The following TMEM87A variants were observed in gnomAD, a reference collection of about 807,000 sequenced individuals.
TMEM87A encodes the protein transmembrane protein 87A, also known as Golgi-pH regulating cation channel.
In TMEM87A, 50 loss-of-function variants were observed where a neutral mutation model predicts 90.0. That is an observed-to-expected ratio of 0.56 (90% CI 0.44 to 0.70). The LOEUF (loss-of-function observed/expected upper bound fraction) is 0.70. Among genes scored for constraint, TMEM87A ranks in the 30% least tolerant of loss-of-function variants. The pLI is 0.00. For missense variants in TMEM87A, 577 were observed against 660.5 expected (o/e 0.87, Z 1.39); for synonymous variants, 226 against 226.7 (o/e 1.00, Z 0.03).
chr15:42,227,196 G>A (rs1302835347), intron 14 of TMEM87A, among the ~76,000 whole-genome samples: 2 of 152,082 alleles, frequency 1.3e-5, no homozygotes, highest in African/African-American at 2.4e-5. Context: ...TTTATACAGG[G>A]TTAAGAGAAA....
At chr15:42,242,599 T>C (rs1328153581) in intron 7 of TMEM87A, among the ~76,000 whole-genome samples, 2 of 151,604 alleles carry the variant, frequency 1.3e-5, no homozygotes, top group Non-Finnish European at 2.9e-5. Flanking sequence ...ACAGAGAGAA[T>C]ATGCGTGTGT....
At chr15:42,216,165 T>C (rs995954795) in intron 19 of TMEM87A, among the ~76,000 whole-genome samples, 9 of 152,224 alleles carry the variant, frequency 5.9e-5, no homozygotes, top group South Asian at 2.1e-4. Flanking sequence ...ATTCCACTTA[T>C]ATGAGTTATC....
At chr15:42,261,999 T>TA (rs1224619070) in intron 4 of TMEM87A, 1 of 152,220 alleles carries the variant, frequency 6.6e-6, no homozygotes, top group Non-Finnish European at 1.5e-5. Context: ...TTTATGCCTG[T>TA]AAAAAACTAC....
chr15:42,246,452 G>A (rs1006250979), intron 6 of TMEM87A, among the ~76,000 whole-genome samples: 5 of 150,844 alleles, frequency 3.3e-5, no homozygotes, highest in Non-Finnish European at 7.4e-5. Context: ...CCCAGCCCCC[G>A]ACCCGACGAC....
intron 19 of TMEM87A, among the ~76,000 whole-genome samples, chr15:42,215,411 G>T (rs1436371293): frequency 9.8e-5 from 15 of 152,320 alleles, no homozygotes; most frequent in African/African-American, 3.6e-4. Context: ...TGAGGCAGGA[G>T]AATGGCGTGA....
In TMEM87A at chr15:42,226,764, G is replaced by T. The variant is rs374676715; in HGVS notation, c.1403+42C>A. ...ATGCACCACCCCTAATTGATGACAT[G>T]GTCATCTCATGTTAGCAGAGTAAAC... On this transcript the variant is annotated intron_variant, in intron 15 of 19. Coordinates refer to ENST00000389834, the MANE Select transcript of TMEM87A (RefSeq NM_015497.5). The T allele has an allele frequency of 2.0e-5, 31 of 1,543,034 alleles. No homozygotes were observed. In the African/African-American group the frequency reaches 3.4e-4, roughly 17 times the overall value.
At chr15:42,246,094 C>T (rs1228638277) in intron 6 of TMEM87A, among the ~76,000 whole-genome samples, 1 of 152,020 alleles carries the variant, frequency 6.6e-6, no homozygotes, top group Admixed American at 6.5e-5. Context: ...TACTTATTTA[C>T]TTCTTGTCTC....
At chr15:42,226,714 GA>G (rs1277521204) in intron 15 of TMEM87A, 91 bp downstream of exon 15, 4 of 1,067,988 alleles carry the variant, frequency 3.7e-6, no homozygotes, top group Non-Finnish European at 5.6e-6. Flanking sequence ...TCCACTATAT[GA>G]CACAGCCCTG....
At chr15:42,215,752 A>C (rs947640796) in intron 19 of TMEM87A, among the ~76,000 whole-genome samples, 7 of 152,240 alleles carry the variant, frequency 4.6e-5, no homozygotes, top group Admixed American at 4.6e-4. Flanking sequence ...AAATGTGGGC[A>C]AAGAAAGAAA....
chr15:42,269,942 C>CAAA lies in TMEM87A; in HGVS notation c.206-1913_206-1911dup, dbSNP rs11308996. ...TGGGCGACAGAGCGAGACTCCGTCT[C>CAAA]AAAAAAAAAAAAAAAAAAAAAAATG... is the stretch of plus-strand genomic sequence containing the variant. On this transcript the variant is annotated intron_variant, in intron 2 of 19. Transcript: ENST00000389834. Among the ~76,000 whole-genome samples, 573 of 71,660 alleles carry CAAA rather than the reference C, an allele frequency of 8.0e-3. 11 individuals carry two copies. Among genetic ancestry groups the CAAA allele is most frequent in the African/African-American group, 0.03 (550 of 18,642 alleles). 47.0% of individuals were successfully genotyped at this position (71,660 alleles called of 152,430 possible).
chr15:42,248,522 T>C (rs7165222), intron 6 of TMEM87A, among the ~76,000 whole-genome samples: 144,431 of 152,236 alleles, frequency 0.95, 68,933 homozygotes, highest in Non-Finnish European at 1. Context: ...AAGGCCTTTT[T>C]GGCATCTATT....
At chr15:42,247,192 C>G (rs531513188) in intron 6 of TMEM87A, among the ~76,000 whole-genome samples, 1 of 152,266 alleles carries the variant, frequency 6.6e-6, no homozygotes, top group Admixed American at 6.5e-5. Context: ...TGGATATTAG[C>G]CCTTTGTCGG....
chr15:42,273,386 C>G lies in TMEM87A; in HGVS notation c.13G>C (p.Ala5Pro). The G allele has an allele frequency of 1.2e-6, 2 of 1,614,066 alleles. No homozygotes were observed. The highest frequency in any genetic ancestry group is 1.7e-6 in the Non-Finnish European group (2 of 1,180,030). Residue 5 changes from alanine to proline, a missense_variant, in exon 1 of 20, where the codon GCG (alanine) becomes CCG (proline). Coordinates refer to ENST00000389834, the MANE Select transcript of TMEM87A (RefSeq NM_015497.5). Reference protein sequence around the residue: MAAAAWLQVLPVILL... With the variant: MAAAPWLQVLPVILL... ...ATGACAGGCAACACCTGAAGCCACG[C>G]AGCCGCCGCCATCTTCACAGCCGTG...
chr15:42,267,674 T>A (rs1341202156), intron 3 of TMEM87A, among the ~76,000 whole-genome samples: 1 of 152,220 alleles, frequency 6.6e-6, no homozygotes, highest in Admixed American at 6.5e-5. Flanking sequence ...TAAAATAAAC[T>A]AATAAATATT....
Position 42,273,276 on chromosome 15 carries a change from T to C in TMEM87A, c.123A>G (p.Lys41=), listed in dbSNP as rs371647438. The C allele has an allele frequency of 6.2e-7, 1 of 1,613,968 alleles. No homozygotes were observed. The highest frequency in any genetic ancestry group is 1.7e-5 in the Admixed American group (1 of 60,006). Residue 41 remains lysine (K), a synonymous_variant, in exon 1 of 20, where the codon AAA becomes AAG. Coordinates refer to ENST00000389834, the MANE Select transcript of TMEM87A (RefSeq NM_015497.5). The part of the protein sequence containing the change: ...PATVAAADRS[K]WHIPIPSGKN... The stretch of plus-strand genomic sequence containing the variant: ...TCACCGACGGTATCGGAATGTGCCA[T>C]TTGGACCGGTCGGCAGCAGCTACGG...
rs1449549166 is a variant in TMEM87A, at chr15:42,219,566, A to G, written c.1539+15T>C. ...TGGGACAAAGAACAAAGACAAATGGAAAAGTCATACTTACTGCTTTGTTAA... is the reference window on the plus strand; with the variant it reads ...TGGGACAAAGAACAAAGACAAATGGGAAAGTCATACTTACTGCTTTGTTAA... On this transcript the variant is annotated intron_variant, in intron 17 of 19. Coordinates refer to ENST00000389834, the MANE Select transcript of TMEM87A (RefSeq NM_015497.5). 1.9e-6 allele frequency: 3 copies of G among 1,584,676 alleles called. No homozygotes were observed. The highest frequency in any genetic ancestry group is 1.7e-6 in the Non-Finnish European group (2 of 1,163,130).
intron 4 of TMEM87A, among the ~76,000 whole-genome samples, chr15:42,261,454 C>T (rs926401882): frequency 6.6e-6 from 1 of 151,948 alleles, no homozygotes; most frequent in Non-Finnish European, 1.5e-5. Context: ...AGTATCAAAC[C>T]AAAATGGCCA....
rs564131948 is a variant in TMEM87A, at chr15:42,229,977, C to T, written c.1132-1157G>A. Among the ~76,000 whole-genome samples the T allele has an allele frequency of 1.4e-4, 21 of 152,250 alleles. No individual in the cohort carries two copies. In the South Asian group the frequency reaches 3.1e-3, roughly 23 times the overall value. ...AGCAGCTGGGACTACAGGTGCAAGC[C>T]ACAATGCCTGATGAATTTTTGTATT... is the stretch of plus-strand genomic sequence containing the variant. On this transcript the variant is annotated intron_variant, in intron 12 of 19. Transcript: ENST00000389834.
intron 7 of TMEM87A, among the ~76,000 whole-genome samples, chr15:42,241,691 A>T (rs938238294): frequency 6.6e-6 from 1 of 152,172 alleles, no homozygotes; most frequent in African/African-American, 2.4e-5. Flanking sequence ...GGGTATTTTT[A>T]AAATGAAAAA....
Sources: gnomAD v4.1 joint callset for allele counts (sites outside exome capture counted in the v4.1 genomes callset) on GRCh38, gnomAD v4.1.1 for gene constraint, MANE v1.5 for transcripts, NCBI Gene and HGNC (gene_info 2026-07-23, HGNC 2026-07-21) for gene names.